Variants in SEL1L3 observed in about 807,000 individuals in gnomAD.
The protein encoded by SEL1L3 is SEL1L family member 3, also known as protein sel-1 homolog 3.
Under a neutral mutation model 142.8 loss-of-function variants are expected in SEL1L3, and 76 were observed. That is an observed-to-expected ratio of 0.53 (90% CI 0.44 to 0.64). The LOEUF (loss-of-function observed/expected upper bound fraction) is 0.64. Among genes scored for constraint, SEL1L3 ranks in the 30% least tolerant of loss-of-function variants. The probability of loss-of-function intolerance (pLI) is 0.00; values close to 1 mark genes in which losing one functional copy is unlikely to be tolerated. For synonymous variants in SEL1L3, 504 were observed against 519.6 expected, an observed-to-expected ratio of 0.97 and a Z score of 0.41; for missense variants, 1,262 against 1,381.7, an observed-to-expected ratio of 0.91 and a Z score of 1.37.
At chr4:25,826,666 G>T (rs964401366) in intron 6 of SEL1L3, among the ~76,000 whole-genome samples, 1 of 151,982 alleles carries the variant, frequency 6.6e-6, no homozygotes, top group African/African-American at 2.4e-5. Flanking sequence ...AGCTTTTTTG[G>T]TTTGTTTTGT....
At chr4:25,803,951 G>C (rs1713373102) in intron 10 of SEL1L3, among the ~76,000 whole-genome samples, 1 of 151,970 alleles carries the variant, frequency 6.6e-6, no homozygotes, top group African/African-American at 2.4e-5. Context: ...CTCCATAATT[G>C]CATGAGCCAA....
intron 9 of SEL1L3, among the ~76,000 whole-genome samples, chr4:25,817,710 A>T (rs1349044719): frequency 1.3e-5 from 2 of 152,196 alleles, no homozygotes; most frequent in Non-Finnish European, 2.9e-5. Flanking sequence ...GCCACATAGG[A>T]GAAAGGCCCA....
chr4:25,783,469 G>A (rs1300235343), intron 14 of SEL1L3, among the ~76,000 whole-genome samples: 1 of 152,248 alleles, frequency 6.6e-6, no homozygotes, highest in Non-Finnish European at 1.5e-5. Context: ...TGGCAGCCTT[G>A]GGAGGCACAT....
chr4:25,855,395 TTA>T (rs1717186282), intron 1 of SEL1L3, among the ~76,000 whole-genome samples: 2 of 152,252 alleles, frequency 1.3e-5, no homozygotes, highest in African/African-American at 2.4e-5. Flanking sequence ...CATGTCATTG[TTA>T]TGTTTCCAGC....
intron 9 of SEL1L3, among the ~76,000 whole-genome samples, chr4:25,814,745 C>T (rs73115753): frequency 0.01 from 1,579 of 151,932 alleles, 25 homozygotes; most frequent in African/African-American, 0.036. Context: ...AGAGTAAAGA[C>T]GTGTTGGAAA....
At chr4:25,716,211 T>C in the SEL1L3 span, among the ~76,000 whole-genome samples, 5,467 of 152,038 alleles carry the variant, frequency 0.036, 294 homozygotes, top group African/African-American at 0.12. Flanking sequence ...ACAGAAAATA[T>C]GATCAAAACA....
intron 6 of SEL1L3, among the ~76,000 whole-genome samples, chr4:25,828,035 C>G (rs1273095454): frequency 6.6e-6 from 1 of 152,214 alleles, no homozygotes; most frequent in Non-Finnish European, 1.5e-5. Context: ...TGTTATATAA[C>G]AACACTCCTA....
intron 1 of SEL1L3, among the ~76,000 whole-genome samples, chr4:25,854,859 T>C (rs1235745060): frequency 6.6e-6 from 1 of 152,206 alleles, no homozygotes; most frequent in African/African-American, 2.4e-5. Context: ...CTGAGATGGA[T>C]TGTTTGACAA....
At chr4:25,763,710 T>A (rs745562441) in intron 20 of SEL1L3, among the ~76,000 whole-genome samples, 26 of 152,056 alleles carry the variant, frequency 1.7e-4, no homozygotes, top group Non-Finnish European at 3.7e-4. Context: ...TAGCCGGACA[T>A]GCACTTGTAT....
intron 11 of SEL1L3, among the ~76,000 whole-genome samples, chr4:25,801,414 A>G (rs889834292): frequency 6.6e-6 from 1 of 152,104 alleles, no homozygotes; most frequent in African/African-American, 2.4e-5. Flanking sequence ...AAAAAAACCA[A>G]CAACTTATAA....
intron 2 of SEL1L3, among the ~76,000 whole-genome samples, chr4:25,846,373 T>G (rs967090252): frequency 6.6e-6 from 1 of 152,218 alleles, no homozygotes; most frequent in African/African-American, 2.4e-5. Context: ...TGAGTGCTGA[T>G]GATGTGCTGA....
Position 25,818,187 on chromosome 4 carries a change from G to C in SEL1L3, c.1515C>G (p.Asp505Glu). The C allele has an allele frequency of 6.2e-7, 1 of 1,609,642 alleles. No homozygotes were observed. The highest frequency in any genetic ancestry group is 1.1e-5 in the South Asian group (1 of 89,762). ...ATGCCTGGAACAAGCTGGGGTGTTT[G>C]TCTTTCAGCTCCTTCTCCCAGGGGA... ...RAFPWEKELK[D>E]KHPSLFQALL... is the part of the protein sequence containing the mutation. The change falls in exon 9 of 24, where the codon GAC becomes GAG. Residue 505 changes from aspartate (D) to glutamate (E), a missense_variant. Physicochemically the swap from Asp to Glu is conservative, Grantham distance 45. Around this residue, in one of 3 missense-constraint regions of SEL1L3, gnomAD observed 689 missense variants for 692.8 expected, o/e 0.99. Transcript: ENST00000399878.
downstream of SEL1L3, among the ~76,000 whole-genome samples, chr4:25,742,745 G>GGT (rs1717156246): frequency 6.6e-6 from 1 of 152,064 alleles, no homozygotes; most frequent in Non-Finnish European, 1.5e-5. Flanking sequence ...AGTTATTGCT[G>GGT]GTGTAGGAAA....
At chr4:25,852,572 G>A (rs1054506934) in intron 1 of SEL1L3, among the ~76,000 whole-genome samples, 1 of 152,224 alleles carries the variant, frequency 6.6e-6, no homozygotes, top group Admixed American at 6.5e-5. Context: ...ACCAGCCAAT[G>A]GGTGGCCAAC....
chr4:25,724,523 C>T, the SEL1L3 span, among the ~76,000 whole-genome samples: 2 of 151,568 alleles, frequency 1.3e-5, no homozygotes, highest in Non-Finnish European at 2.9e-5. Flanking sequence ...AGGCGGATCA[C>T]GAGGTCAGGA....
At position 25,843,951 on chromosome 4, in the gene SEL1L3, G is replaced by A. The variant is rs569638842; in HGVS notation, c.733+3343C>T. Among the ~76,000 whole-genome samples, 29 of 152,358 alleles carry A rather than the reference G, an allele frequency of 1.9e-4. No homozygotes were observed. The East Asian group carries it at 4.8e-3, about 25-fold the overall frequency. On this transcript the variant is annotated intron_variant, in intron 2 of 23. Transcript: ENST00000399878. ...CTCCAAGCACACTTCCAGAACGCCCGGGCACAGGGACTTTGACTCTTTTTA... is the reference window on the plus strand; with the variant it reads ...CTCCAAGCACACTTCCAGAACGCCCAGGCACAGGGACTTTGACTCTTTTTA...
chr4:25,829,476 C>A (rs576586394), intron 6 of SEL1L3, among the ~76,000 whole-genome samples: 16 of 152,108 alleles, frequency 1.1e-4, no homozygotes, highest in African/African-American at 3.9e-4. Flanking sequence ...CTAGCTATGG[C>A]AAGGTATCCT....
intron 11 of SEL1L3, among the ~76,000 whole-genome samples, chr4:25,797,360 G>A (rs926145997): frequency 3.3e-5 from 5 of 152,166 alleles, no homozygotes; most frequent in Admixed American, 6.5e-5. Context: ...CTCACCTCAG[G>A]GCCTGGCAGA....
At chr4:25,735,861 G>A in the SEL1L3 span, among the ~76,000 whole-genome samples, 1 of 138,194 alleles carries the variant, frequency 7.2e-6, no homozygotes. Context: ...ATGGAGTCTG[G>A]CTCTGTCGCC....
Sources: allele counts gnomAD v4.1 joint callset (sites outside exome capture counted in the v4.1 genomes callset), GRCh38; gene constraint gnomAD v4.1.1; regional missense constraint gnomAD v4.1.1; transcripts MANE v1.5; gene names NCBI Gene and HGNC (gene_info 2026-07-23, HGNC 2026-07-21).